Variants in SEMA3C observed in about 807,000 individuals in gnomAD.
SEMA3C encodes the protein semaphorin 3C, also known as semaphorin-3C.
In SEMA3C, 47 loss-of-function variants were observed where a neutral mutation model predicts 89.4. The observed-to-expected ratio is 0.53, with a 90% CI of 0.42 to 0.67. The LOEUF (loss-of-function observed/expected upper bound fraction) is 0.67, where lower values mean the gene tolerates loss of function less well. Ranked by LOEUF, SEMA3C falls within the 30% of genes least tolerant of loss-of-function variation. The pLI is 0.00. For missense variants in SEMA3C, 839 were observed against 929.1 expected, an observed-to-expected ratio of 0.90 and a Z score of 1.26; for synonymous variants, 310 against 320.2, an observed-to-expected ratio of 0.97 and a Z score of 0.34.
rs1791304657 is a variant in SEMA3C at position 80,880,371 on chromosome 7, G to C, written c.103+36308C>G. Among the ~76,000 whole-genome samples the C allele has an allele frequency of 5.3e-5, 8 of 152,236 alleles. No homozygotes were observed. The South Asian group carries it at 1.7e-3, about 32-fold the overall frequency. ...GAATATAAGATTCACTATAGTACAA[G>C]TACTTGTTCTGTTCAAAGATGTATT... On this transcript the variant is annotated intron_variant, in intron 2 of 17. Coordinates refer to ENST00000265361, the MANE Select transcript of SEMA3C (RefSeq NM_006379.5).
chr7:80,777,410 G>A (rs1008699695), intron 12 of SEMA3C, among the ~76,000 whole-genome samples: 7 of 152,050 alleles, frequency 4.6e-5, no homozygotes, highest in Non-Finnish European at 8.8e-5. Flanking sequence ...TCCTGTGTCA[G>A]CCTCCTGAGT....
intron 12 of SEMA3C, among the ~76,000 whole-genome samples, chr7:80,769,894 A>G (rs1220002092): frequency 6.7e-6 from 1 of 150,176 alleles, no homozygotes; most frequent in Non-Finnish European, 1.5e-5. Flanking sequence ...AAAAACCACA[A>G]TACAAAAGCT....
At chr7:80,833,809 A>G (rs977413424) in intron 2 of SEMA3C, among the ~76,000 whole-genome samples, 1 of 152,124 alleles carries the variant, frequency 6.6e-6, no homozygotes, top group African/African-American at 2.4e-5. Flanking sequence ...GCTCAAAGCA[A>G]TGAGAATTTT....
chr7:80,783,940 A>G (rs2117097715), intron 12 of SEMA3C, among the ~76,000 whole-genome samples: 1 of 152,304 alleles, frequency 6.6e-6, no homozygotes, highest in South Asian at 2.1e-4. Context: ...TTGACCCTAC[A>G]CTAAAAAATC....
At chr7:80,848,402 C>T (rs572550137) in intron 2 of SEMA3C, among the ~76,000 whole-genome samples, 1 of 152,052 alleles carries the variant, frequency 6.6e-6, no homozygotes, top group Non-Finnish European at 1.5e-5. Flanking sequence ...CTATCTAGTA[C>T]AAAACAGTAA....
chr7:80,759,323 GT>G (rs1422157188), intron 14 of SEMA3C, among the ~76,000 whole-genome samples: 1 of 152,122 alleles, frequency 6.6e-6, no homozygotes. Context: ...ATGGGTGTGT[GT>G]GTACTCCTCC....
At chr7:80,885,161 T>C (rs1179006996) in intron 2 of SEMA3C, among the ~76,000 whole-genome samples, 2 of 152,206 alleles carry the variant, frequency 1.3e-5, no homozygotes, top group Non-Finnish European at 2.9e-5. Flanking sequence ...TCAGGATTTT[T>C]CCCAATATAT....
chr7:80,765,907 A>T (rs916488692), intron 12 of SEMA3C, among the ~76,000 whole-genome samples: 1 of 152,134 alleles, frequency 6.6e-6, no homozygotes. Context: ...TTGATCATTA[A>T]TATTACTTTC....
rs753313393 is a variant in SEMA3C, at chr7:80,916,697, C to T, written c.85G>A (p.Val29Ile). 5.6e-6 allele frequency: 9 copies of T among 1,611,030 alleles called. No homozygotes were observed. The highest frequency in any genetic ancestry group is 6.8e-6 in the Non-Finnish European group (8 of 1,179,056). The stretch of plus-strand genomic sequence containing the variant: ...CTCTTACCATCAAATGTTAAATAAA[C>T]TCTTGCTTGGGGCTGGGAAGATCCT... ...VKGSSQPQAR[V>I]YLTFDELRET... Residue 29 changes from valine to isoleucine, a missense_variant, in exon 2 of 18, where the codon GTT becomes ATT. Physicochemically the swap from Val to Ile is conservative, Grantham distance 29 (BLOSUM62 3). Coordinates refer to ENST00000265361, the MANE Select transcript of SEMA3C (RefSeq NM_006379.5).
At chr7:80,861,780 G>T (rs1158266721) in intron 2 of SEMA3C, among the ~76,000 whole-genome samples, 3 of 152,082 alleles carry the variant, frequency 2.0e-5, no homozygotes, top group African/African-American at 7.2e-5. Context: ...ATGCAAGTCT[G>T]GTTTAACATA....
chr7:80,907,621 G>A (rs1056128489), intron 2 of SEMA3C, among the ~76,000 whole-genome samples: 1 of 151,874 alleles, frequency 6.6e-6, no homozygotes, highest in South Asian at 2.1e-4. Context: ...CCTATATAAT[G>A]GCAATGAGAC....
chr7:80,882,290 G>A (rs1246438512), intron 2 of SEMA3C, among the ~76,000 whole-genome samples: 10 of 151,690 alleles, frequency 6.6e-5, no homozygotes, highest in Non-Finnish European at 2.9e-5. Flanking sequence ...TTATTGGCCT[G>A]AAATGTAACA....
At chr7:80,873,997 G>A (rs1367131518) in intron 2 of SEMA3C, among the ~76,000 whole-genome samples, 1 of 152,102 alleles carries the variant, frequency 6.6e-6, no homozygotes, top group Non-Finnish European at 1.5e-5. Flanking sequence ...CTTCTTTCAA[G>A]ATCACCTCAA....
At chr7:80,766,257 A>AC (rs1788300300) in intron 12 of SEMA3C, among the ~76,000 whole-genome samples, 1 of 152,036 alleles carries the variant, frequency 6.6e-6, no homozygotes, top group Non-Finnish European at 1.5e-5. Context: ...AGAGTCCCCC[A>AC]CCCCCAACCA....
intron 2 of SEMA3C, among the ~76,000 whole-genome samples, chr7:80,855,717 G>T (rs1291312362): frequency 1.3e-5 from 2 of 152,066 alleles, no homozygotes; most frequent in African/African-American, 2.4e-5. Flanking sequence ...TGACTCTAGT[G>T]GAGTCAACAT....
At chr7:80,852,817 T>C (rs1317084790) in intron 2 of SEMA3C, among the ~76,000 whole-genome samples, 1 of 151,882 alleles carries the variant, frequency 6.6e-6, no homozygotes, top group East Asian at 1.9e-4. Flanking sequence ...TAGCTGGGAC[T>C]ACAGGTGCCC....
chr7:80,831,143 T>C (rs1790001025), intron 2 of SEMA3C, among the ~76,000 whole-genome samples: 2 of 152,198 alleles, frequency 1.3e-5, no homozygotes, highest in Non-Finnish European at 2.9e-5. Context: ...TCTTAATAAA[T>C]AATTGTGGAG....
At chr7:80,818,858 T>C (rs1789676953) in intron 4 of SEMA3C, among the ~76,000 whole-genome samples, 1 of 152,138 alleles carries the variant, frequency 6.6e-6, no homozygotes, top group Non-Finnish European at 1.5e-5. Flanking sequence ...ATCTAACTTG[T>C]AGAAGTAACA....
chr7:80,783,531 G>A lies in SEMA3C; in HGVS notation c.1354+5775C>T, dbSNP rs3807105. ...TTCCTTACGCCAAAGCAAAGGAGAC[G>A]TCTAGACATCCTCAGAGTGACATTC... On this transcript the variant is annotated intron_variant, in intron 12 of 17. Transcript: ENST00000265361. Among the ~76,000 whole-genome samples the A allele has an allele frequency of 5.7e-3, 863 of 152,278 alleles. 36 individuals carry two copies. In the East Asian group the frequency reaches 0.1, roughly 18 times the overall value.
Sources: allele counts gnomAD v4.1 joint callset (sites outside exome capture counted in the v4.1 genomes callset), GRCh38; gene constraint gnomAD v4.1.1; transcripts MANE v1.5; gene names NCBI Gene and HGNC (gene_info 2026-07-23, HGNC 2026-07-21).